APOBEC2: variants seen among roughly 807,000 people sequenced by gnomAD.
APOBEC2 encodes apolipoprotein B mRNA editing enzyme catalytic subunit 2.
Under a neutral mutation model 19.4 loss-of-function variants are expected in APOBEC2, and 14 were observed. The observed-to-expected ratio is 0.72, with a 90% confidence interval of 0.48 to 1.13. The LOEUF is 1.13. APOBEC2 is among the 50% of genes most tolerant of loss of function. The pLI, the probability that APOBEC2 is intolerant of heterozygous loss-of-function variation, is 0.00. For synonymous variants in APOBEC2, 127 were observed against 112.1 expected (o/e 1.13, Z -0.84); for missense variants, 304 against 277.0 (o/e 1.10, Z -0.69).
At chr6:41,056,075 T>C (rs1050838932) in intron 1 of APOBEC2, among the ~76,000 whole-genome samples, 2 of 152,224 alleles carry the variant, frequency 1.3e-5, no homozygotes, top group African/African-American at 2.4e-5. Context: ...AAGGATACAA[T>C]TTGAGGCCTG....
At chr6:41,057,646 T>C (rs1197463757) in intron 1 of APOBEC2, among the ~76,000 whole-genome samples, 1 of 152,176 alleles carries the variant, frequency 6.6e-6, no homozygotes, top group Non-Finnish European at 1.5e-5. Context: ...CCAACAGGTC[T>C]AGTGAGGGAA....
chr6:41,056,579 C>T (rs914837607), intron 1 of APOBEC2, among the ~76,000 whole-genome samples: 2 of 152,248 alleles, frequency 1.3e-5, no homozygotes, highest in Non-Finnish European at 2.9e-5. Flanking sequence ...AATCATCACA[C>T]TGCATCCAAA....
At chr6:41,053,540 G>A in intron 1 of APOBEC2, 62 bp downstream of exon 1, 2 of 1,594,172 alleles carry the variant, frequency 1.3e-6, no homozygotes, top group Non-Finnish European at 1.7e-6. Flanking sequence ...GGGTTAGGCT[G>A]TGGAAATTCA....
chr6:41,058,423 A>T (rs1006635822), intron 1 of APOBEC2, among the ~76,000 whole-genome samples: 5 of 146,146 alleles, frequency 3.4e-5, no homozygotes, highest in South Asian at 2.1e-4. Context: ...ACACACACAC[A>T]CACTCACACA....
intron 1 of APOBEC2, among the ~76,000 whole-genome samples, chr6:41,054,089 G>C (rs560921210): frequency 6.6e-6 from 1 of 152,284 alleles, no homozygotes; most frequent in African/African-American, 2.4e-5. Context: ...ACGCAGCCCA[G>C]GAGCTTATGG....
At chr6:41,062,310 T>A (rs1028168668) in intron 2 of APOBEC2, among the ~76,000 whole-genome samples, 1 of 152,246 alleles carries the variant, frequency 6.6e-6, no homozygotes, top group African/African-American at 2.4e-5. Context: ...CACTCCCATA[T>A]CCACTGGCAA....
chr6:41,062,348 A>G (rs1762887695), intron 2 of APOBEC2, among the ~76,000 whole-genome samples: 1 of 152,164 alleles, frequency 6.6e-6, no homozygotes, highest in African/African-American at 2.4e-5. Flanking sequence ...TCTCTAATGA[A>G]TGTTTTTTAG....
At position 41,061,671 on chromosome 6, in the gene APOBEC2, G is replaced by A. The variant is rs758980965; in HGVS notation, c.475G>A (p.Glu159Lys). The change falls in exon 2 of 3, where the codon GAG (glutamate) becomes AAG (lysine). Residue 159 changes from glutamate to lysine, a missense_variant. By Grantham distance (56) the Glu-to-Lys change is moderately conservative. Transcript: ENST00000244669. ...GGTGGGTCGACTCTTCATGTGGGAG[G>A]AGCCGGAGATCCAGGCTGCTCTGAA... is the stretch of plus-strand genomic sequence containing the variant. Reference protein sequence around the residue: ...ILVGRLFMWEEPEIQAALKKL... With the variant: ...ILVGRLFMWEKPEIQAALKKL... 3 of 1,614,096 alleles carry A rather than the reference G, an allele frequency of 1.9e-6. No homozygotes were observed. Among genetic ancestry groups the A allele is most frequent in the Non-Finnish European group, 2.5e-6 (3 of 1,180,050 alleles).
rs12528684 is a variant in APOBEC2, at chr6:41,061,386, G to A, written c.190G>A (p.Gly64Arg). ...GTTCCGGAATGTGGAGTACAGTTCC[G>A]GGAGGAACAAGACCTTCCTCTGCTA... ...FQFRNVEYSS[G>R]RNKTFLCYVV... The change falls in exon 2 of 3, where the codon GGG becomes AGG. Residue 64 changes from glycine (G) to arginine (R), a missense_variant. Gly to Arg is a moderately radical substitution (Grantham distance 125). Transcript: ENST00000244669. 1.3e-5 allele frequency: 20 copies of A among 1,585,206 alleles called. No homozygotes were observed. Among genetic ancestry groups the A allele is most frequent in the Middle Eastern group, 3.4e-4 (2 of 5,912 alleles).
chr6:41,056,609 T>C (rs1317361232), intron 1 of APOBEC2, among the ~76,000 whole-genome samples: 1 of 152,246 alleles, frequency 6.6e-6, no homozygotes, highest in Non-Finnish European at 1.5e-5. Context: ...AGGATTCTTT[T>C]TATATTTACT....
At chr6:41,055,851 T>C (rs1303744821) in intron 1 of APOBEC2, among the ~76,000 whole-genome samples, 1 of 152,240 alleles carries the variant, frequency 6.6e-6, no homozygotes, top group Non-Finnish European at 1.5e-5. Context: ...CTACTCTGCA[T>C]CCAGTGATAT....
rs1371493050 is a variant in APOBEC2 at position 41,056,612 on chromosome 6, T to C, written c.131+3134T>C. On this transcript the variant is annotated intron_variant, in intron 1 of 2. Transcript: ENST00000244669. ...AAAAAACCAGAGAGGATTCTTTTTA[T>C]ATTTACTGAATAAGAGTTTTTCATT... is the stretch of plus-strand genomic sequence containing the variant. Among the ~76,000 whole-genome samples the C allele has an allele frequency of 2.0e-5, 3 of 152,390 alleles. No homozygotes were observed. The East Asian group carries it at 5.8e-4, about 29-fold the overall frequency.
intron 1 of APOBEC2, among the ~76,000 whole-genome samples, chr6:41,056,509 G>A (rs1015361709): frequency 2.3e-4 from 35 of 152,252 alleles, no homozygotes; most frequent in African/African-American, 8.2e-4. Context: ...GAGGGATTAA[G>A]TCATATGGCC....
intron 1 of APOBEC2, among the ~76,000 whole-genome samples, chr6:41,055,069 G>C (rs1441303783): frequency 6.6e-6 from 1 of 152,192 alleles, no homozygotes; most frequent in Non-Finnish European, 1.5e-5. Context: ...TCAGCACAAA[G>C]GTAGGAGAGG....
intron 1 of APOBEC2, among the ~76,000 whole-genome samples, chr6:41,057,061 A>G (rs187118931): frequency 1.2e-3 from 177 of 152,272 alleles, no homozygotes; most frequent in Non-Finnish European, 2.0e-3. Flanking sequence ...GTTATGTTGT[A>G]TATGTTTTTA....
intron 1 of APOBEC2, among the ~76,000 whole-genome samples, chr6:41,059,760 A>C (rs1330422191): frequency 5.3e-5 from 8 of 152,110 alleles, no homozygotes; most frequent in African/African-American, 1.9e-4. Flanking sequence ...AAGTTTACTC[A>C]TATCTTTGGC....
chr6:41,054,367 G>A (rs1009630864), intron 1 of APOBEC2, among the ~76,000 whole-genome samples: 22 of 152,322 alleles, frequency 1.4e-4, no homozygotes, highest in African/African-American at 5.3e-4. Flanking sequence ...CCTTCATGGG[G>A]TCTCCAGGAA....
Position 41,061,770 on chromosome 6 carries a change from G to T in APOBEC2, c.574G>T (p.Val192Leu), listed in dbSNP as rs1762880856. 3.7e-6 allele frequency: 6 copies of T among 1,614,222 alleles called. No homozygotes were observed. The highest frequency in any genetic ancestry group is 4.2e-6 in the Non-Finnish European group (5 of 1,180,042). ...CTTCGAATATGTCTGGCAGAATTTT[G>T]TGGAGCAAGAAGAGGGTGAATCCAA... The part of the protein sequence containing the change: ...QDFEYVWQNF[V>L]EQEEGESKAF... Residue 192 changes from valine (V) to leucine (L), a missense_variant, in exon 2 of 3, where the codon GTG becomes TTG. Transcript: ENST00000244669.
intron 2 of APOBEC2, among the ~76,000 whole-genome samples, chr6:41,062,997 AAAC>A (rs1289803219): frequency 6.6e-6 from 1 of 152,214 alleles, no homozygotes; most frequent in Non-Finnish European, 1.5e-5. Flanking sequence ...TAAAACATGA[AAAC>A]AACAAGCTTC....
Sources: gnomAD v4.1 joint callset for allele counts (sites outside exome capture counted in the v4.1 genomes callset) on GRCh38, gnomAD v4.1.1 for gene constraint, MANE v1.5 for transcripts, NCBI Gene and HGNC (gene_info 2026-07-23, HGNC 2026-07-21) for gene names.